Variants in PTPRZ1 observed in about 807,000 individuals in gnomAD.
PTPRZ1 encodes protein tyrosine phosphatase receptor type Z1, also known as receptor-type tyrosine-protein phosphatase zeta.
In PTPRZ1, 82 loss-of-function variants were observed where a neutral mutation model predicts 214.1. The ratio of observed to expected loss-of-function variants is 0.38; its 90% confidence interval spans 0.32 to 0.46. The LOEUF (loss-of-function observed/expected upper bound fraction) is 0.46, where lower values mean the gene tolerates loss of function less well. Among genes scored for constraint, PTPRZ1 ranks in the 20% least tolerant of loss-of-function variants. PTPRZ1 has a pLI of 1.00. For synonymous variants in PTPRZ1, 945 were observed against 987.9 expected, an observed-to-expected ratio of 0.96 and a Z score of 0.81; for missense variants, 2,603 against 2,748.7, an observed-to-expected ratio of 0.95 and a Z score of 1.19.
chr7:121,887,138 G>A (rs1057271196), intron 1 of PTPRZ1, among the ~76,000 whole-genome samples: 3 of 152,068 alleles, frequency 2.0e-5, no homozygotes, highest in South Asian at 2.1e-4. Flanking sequence ...CTCACATTGC[G>A]TGTCTGTTGT....
chr7:122,053,963 C>T lies in PTPRZ1; in HGVS notation c.6306C>T (p.Thr2102=). The change falls in exon 26 of 30, where the codon ACC becomes ACT. Residue 2102 remains threonine (T), a synonymous_variant. Coordinates refer to ENST00000393386, the MANE Select transcript of PTPRZ1 (RefSeq NM_002851.3). ...FIITQHPLLH[T]IKDFWRMIWD... is the part of the protein sequence containing the mutation. ...TTACCCAGCACCCTCTCCTTCATAC[C>T]ATCAAGGATTTCTGGAGGATGATAT... The T allele has an allele frequency of 3.1e-6, 5 of 1,613,150 alleles. No individual in the cohort carries two copies. Among genetic ancestry groups the T allele is most frequent in the Non-Finnish European group, 4.2e-6 (5 of 1,179,300 alleles).
chr7:121,967,853 T>G, intron 2 of PTPRZ1, 98 bp from the exon 3 acceptor site: 1 of 809,374 alleles, frequency 1.2e-6, no homozygotes, highest in Non-Finnish European at 1.9e-6. Flanking sequence ...TTTTCTACTA[T>G]TGCATCTATT....
chr7:121,896,987 C>T (rs1421839615), intron 1 of PTPRZ1, among the ~76,000 whole-genome samples: 1 of 152,068 alleles, frequency 6.6e-6, no homozygotes, highest in Non-Finnish European at 1.5e-5. Context: ...TCTAAATTGT[C>T]AGTGGGTGTA....
At position 121,925,824 on chromosome 7, in the gene PTPRZ1, C is replaced by A. The variant is rs118090252; in HGVS notation, c.59-2332C>A. Among the ~76,000 whole-genome samples, 1,445 of 152,222 alleles carry A rather than the reference C, an allele frequency of 9.5e-3. 14 individuals carry two copies. Among genetic ancestry groups the A allele is most frequent in the Middle Eastern group, 0.044 (13 of 294 alleles). On this transcript the variant is annotated intron_variant, in intron 1 of 29. Coordinates refer to ENST00000393386, the MANE Select transcript of PTPRZ1 (RefSeq NM_002851.3). ...TCTTTATGACAAGAAGTAGCTTTTA[C>A]AACTTGGAGCAAGGTGCCCCACTGA... is the stretch of plus-strand genomic sequence containing the variant.
chr7:122,039,697 A>T, intron 20 of PTPRZ1, 109 bp downstream of exon 20: 1 of 1,378,610 alleles, frequency 7.3e-7, no homozygotes, highest in Non-Finnish European at 9.7e-7. Flanking sequence ...AACTAAAGGC[A>T]TTAAAAATTC....
chr7:122,003,613 C>T (rs1349716125), intron 10 of PTPRZ1, among the ~76,000 whole-genome samples: 1 of 152,090 alleles, frequency 6.6e-6, no homozygotes, highest in Non-Finnish European at 1.5e-5. Context: ...ACATAAGCAG[C>T]ATTAGGATAG....
chr7:122,052,724 G>C (rs931554497), intron 25 of PTPRZ1, among the ~76,000 whole-genome samples: 1 of 152,144 alleles, frequency 6.6e-6, no homozygotes, highest in Non-Finnish European at 1.5e-5. Context: ...AATAGCTCTA[G>C]CTTCTAGGTA....
intron 1 of PTPRZ1, among the ~76,000 whole-genome samples, chr7:121,921,279 A>G (rs1584640167): frequency 6.6e-6 from 1 of 152,294 alleles, no homozygotes; most frequent in East Asian, 1.9e-4. Flanking sequence ...AAGTTTGAAT[A>G]GTAAACAAAT....
chr7:122,030,864 T>G (rs1799349184), intron 14 of PTPRZ1, among the ~76,000 whole-genome samples: 1 of 152,036 alleles, frequency 6.6e-6, no homozygotes. Context: ...TTTGTTTACA[T>G]AGCATATTTT....
chr7:121,929,066 A>G, intron 2 of PTPRZ1, among the ~76,000 whole-genome samples: 1 of 152,228 alleles, frequency 6.6e-6, no homozygotes, highest in Non-Finnish European at 1.5e-5. Context: ...TTTGTAGATA[A>G]GGATGTATTT....
chr7:122,007,474 G>A (rs1041895489), intron 11 of PTPRZ1, among the ~76,000 whole-genome samples: 1 of 152,066 alleles, frequency 6.6e-6, no homozygotes, highest in Non-Finnish European at 1.5e-5. Context: ...TTGTCAAATC[G>A]AAAGAGACCC....
chr7:121,912,624 T>G (rs573543726), intron 1 of PTPRZ1, among the ~76,000 whole-genome samples: 1 of 152,104 alleles, frequency 6.6e-6, no homozygotes, highest in Non-Finnish European at 1.5e-5. Context: ...TGCTTAAGTA[T>G]GTTACAGGGG....
At chr7:121,928,316 T>C in intron 2 of PTPRZ1, 95 bp downstream of exon 2, 2 of 793,504 alleles carry the variant, frequency 2.5e-6, no homozygotes, top group Non-Finnish European at 2.0e-6. Flanking sequence ...GCACAACACA[T>C]CATGTCAACT....
At chr7:121,922,013 A>ATACCACATTTTTT (rs1795613759) in intron 1 of PTPRZ1, among the ~76,000 whole-genome samples, 3 of 152,218 alleles carry the variant, frequency 2.0e-5, no homozygotes, top group African/African-American at 7.2e-5. Flanking sequence ...CAGCAAGCCA[A>ATACCACATTTTTT]TCCTTAACAT....
chr7:121,973,240 A>G (rs1445450083), intron 4 of PTPRZ1, among the ~76,000 whole-genome samples: 1 of 152,132 alleles, frequency 6.6e-6, no homozygotes, highest in African/African-American at 2.4e-5. Context: ...AAAATATAAT[A>G]TTGAACCAAA....
At chr7:121,978,182 A>G (rs911776518) in intron 6 of PTPRZ1, among the ~76,000 whole-genome samples, 55 of 152,334 alleles carry the variant, frequency 3.6e-4, no homozygotes, top group African/African-American at 1.3e-3. Flanking sequence ...CTGTGACTAC[A>G]TATTCTCTCC....
At chr7:121,967,168 G>A (rs1797070251) in intron 2 of PTPRZ1, 1 of 152,132 alleles carries the variant, frequency 6.6e-6, no homozygotes, top group African/African-American at 2.4e-5. Context: ...GCAACAAAGG[G>A]CAGTTTGGGT....
intron 23 of PTPRZ1, among the ~76,000 whole-genome samples, chr7:122,045,702 A>G (rs1406147250): frequency 6.6e-6 from 1 of 151,750 alleles, no homozygotes. Context: ...ACACACACAC[A>G]CACACACACA....
At chr7:122,025,519 C>G (rs1034998200) in intron 13 of PTPRZ1, among the ~76,000 whole-genome samples, 4 of 151,748 alleles carry the variant, frequency 2.6e-5, no homozygotes, top group African/African-American at 9.7e-5. Context: ...TTAGTAGAGA[C>G]AGGGTTTCTC....
Sources: gnomAD v4.1 joint callset for allele counts (sites outside exome capture counted in the v4.1 genomes callset) on GRCh38, gnomAD v4.1.1 for gene constraint, MANE v1.5 for transcripts, NCBI Gene and HGNC (gene_info 2026-07-23, HGNC 2026-07-21) for gene names.